Variants in RAB28 observed in about 807,000 individuals in gnomAD.
RAB28 encodes the protein ras-related protein Rab-28.
In RAB28, 24 loss-of-function variants were observed where a neutral mutation model predicts 31.7. That is an observed-to-expected ratio of 0.76 (90% CI 0.55 to 1.06). RAB28 has a LOEUF of 1.06. RAB28 is among the 50% of genes least tolerant of loss of function. RAB28 has a pLI of 0.00. For missense variants in RAB28, 254 were observed against 258.5 expected, an observed-to-expected ratio of 0.98 and a Z score of 0.12; for synonymous variants, 100 against 90.4, an observed-to-expected ratio of 1.11 and a Z score of -0.60.
intron 4 of RAB28, among the ~76,000 whole-genome samples, chr4:13,409,295 T>C (rs1712286586): frequency 6.6e-6 from 1 of 152,140 alleles, no homozygotes; most frequent in African/African-American, 2.4e-5. Context: ...GTGCTCAAAT[T>C]TCACACTTGC....
chr4:13,411,985 T>C (rs1040880500), intron 4 of RAB28, among the ~76,000 whole-genome samples: 1 of 151,282 alleles, frequency 6.6e-6, no homozygotes, highest in African/African-American at 2.4e-5. Context: ...TTTTACTGTG[T>C]CAGGGTCAGA....
chr4:13,390,880 C>T (rs1729597599), intron 4 of RAB28, among the ~76,000 whole-genome samples: 1 of 152,130 alleles, frequency 6.6e-6, no homozygotes, highest in Non-Finnish European at 1.5e-5. Flanking sequence ...GGATCCCTTC[C>T]TTACACCTTA....
chr4:13,397,670 A>G (rs1729925811), intron 4 of RAB28, among the ~76,000 whole-genome samples: 1 of 152,158 alleles, frequency 6.6e-6, no homozygotes, highest in South Asian at 2.1e-4. Context: ...CACAAGGACC[A>G]TGATTAATCC....
At chr4:13,466,982 T>C (rs1416184550) in intron 3 of RAB28, among the ~76,000 whole-genome samples, 1 of 151,882 alleles carries the variant, frequency 6.6e-6, no homozygotes, top group Non-Finnish European at 1.5e-5. Context: ...GTAATCAAAC[T>C]CACAGAAGTA....
At chr4:13,391,375 G>A (rs561230974) in intron 4 of RAB28, among the ~76,000 whole-genome samples, 19 of 152,310 alleles carry the variant, frequency 1.2e-4, no homozygotes, top group African/African-American at 3.6e-4. Flanking sequence ...ACACCAGTTA[G>A]AATGGCAATC....
intron 4 of RAB28, among the ~76,000 whole-genome samples, chr4:13,414,619 A>G (rs1346435693): frequency 6.6e-6 from 1 of 152,246 alleles, no homozygotes; most frequent in Non-Finnish European, 1.5e-5. Context: ...AGCTGACATA[A>G]TCTTGGTACT....
chr4:13,398,811 C>T (rs1322096098), intron 4 of RAB28, among the ~76,000 whole-genome samples: 1 of 150,966 alleles, frequency 6.6e-6, no homozygotes, highest in Non-Finnish European at 1.5e-5. Context: ...CTCAATTAGG[C>T]AATTATATTA....
chr4:13,369,277 GA>G (rs999316937), intron 6 of RAB28, among the ~76,000 whole-genome samples: 2 of 151,930 alleles, frequency 1.3e-5, no homozygotes, highest in Non-Finnish European at 2.9e-5. Context: ...AGAGTATGAT[GA>G]AAAAATTTAG....
chr4:13,479,421 G>C lies in RAB28; in HGVS notation c.172+9C>G. 1.3e-6 allele frequency: 2 copies of C among 1,559,460 alleles called. No individual in the cohort carries two copies. Among genetic ancestry groups the C allele is most frequent in the African/African-American group, 2.7e-5 (2 of 73,212 alleles). On this transcript the variant is annotated intron_variant, in intron 2 of 6. Transcript: ENST00000330852. ...TAATCTTCTACGTTAAGACTTTTTA[G>C]TCTCTTACCTGGCAATGTTATCCTT...
In RAB28 at chr4:13,414,115, T is replaced by C. The variant is rs536321695; in HGVS notation, c.392-32521A>G. On this transcript the variant is annotated intron_variant, in intron 4 of 6. Transcript: ENST00000330852. ...AAATGACAAGCCACGCACGAGTCTC[T>C]GCACTCAGAAAAGCCCAAAAGCTAC... Among the ~76,000 whole-genome samples the C allele has an allele frequency of 2.6e-5, 4 of 152,306 alleles. No homozygotes were observed. The South Asian group carries it at 8.3e-4, about 32-fold the overall frequency.
intron 4 of RAB28, among the ~76,000 whole-genome samples, chr4:13,407,833 C>T (rs1712193069): frequency 6.6e-6 from 1 of 152,038 alleles, no homozygotes; most frequent in African/African-American, 2.4e-5. Flanking sequence ...TATTGGCGTA[C>T]AGGAATGCCT....
chr4:13,424,343 A>G (rs1328582138), intron 4 of RAB28, among the ~76,000 whole-genome samples: 1 of 152,102 alleles, frequency 6.6e-6, no homozygotes, highest in Non-Finnish European at 1.5e-5. Context: ...GTTACCCACA[A>G]ACTTTGGCAT....
intron 4 of RAB28, among the ~76,000 whole-genome samples, chr4:13,386,121 T>C (rs1729356633): frequency 6.6e-6 from 1 of 151,608 alleles, no homozygotes; most frequent in Non-Finnish European, 1.5e-5. Flanking sequence ...TGATAAAATA[T>C]TAATATCAAG....
At chr4:13,432,597 G>A (rs73229686) in intron 4 of RAB28, among the ~76,000 whole-genome samples, 2,091 of 152,250 alleles carry the variant, frequency 0.014, 24 homozygotes, top group Middle Eastern at 0.044. Context: ...GAACTTCTCA[G>A]CAGAAATCTT....
chr4:13,478,092 C>A (rs1344729641), intron 2 of RAB28, among the ~76,000 whole-genome samples: 2 of 151,506 alleles, frequency 1.3e-5, no homozygotes, highest in Admixed American at 6.6e-5. Context: ...GTGAAAAAAA[C>A]TCCTGCAAAA....
chr4:13,426,375 G>A (rs935873936), intron 4 of RAB28, among the ~76,000 whole-genome samples: 1 of 151,898 alleles, frequency 6.6e-6, no homozygotes, highest in African/African-American at 2.4e-5. Context: ...GACCATGAAG[G>A]GACAACTTGA....
chr4:13,418,756 TA>T (rs1712945269), intron 4 of RAB28, among the ~76,000 whole-genome samples: 1 of 152,194 alleles, frequency 6.6e-6, no homozygotes, highest in East Asian at 1.9e-4. Context: ...AAGGAAGCAC[TA>T]AACATGGAAA....
intron 4 of RAB28, among the ~76,000 whole-genome samples, chr4:13,441,938 A>T (rs868352996): frequency 6.6e-5 from 10 of 152,216 alleles, no homozygotes; most frequent in African/African-American, 2.2e-4. Context: ...TCTATTGTTG[A>T]CATCAGTCAC....
chr4:13,481,667 A>C (rs1468131914), intron 1 of RAB28, among the ~76,000 whole-genome samples: 1 of 152,134 alleles, frequency 6.6e-6, no homozygotes, highest in Non-Finnish European at 1.5e-5. Context: ...ACTATGTAAT[A>C]AAAGAAAAAA....
Sources: allele counts gnomAD v4.1 joint callset (sites outside exome capture counted in the v4.1 genomes callset), GRCh38; gene constraint gnomAD v4.1.1; transcripts MANE v1.5; gene names NCBI Gene and HGNC (gene_info 2026-07-23, HGNC 2026-07-21).